Variants in LAMA3 observed in about 807,000 individuals in gnomAD.
LAMA3 encodes laminin subunit alpha-3.
Under a neutral mutation model 402.0 loss-of-function variants are expected in LAMA3, and 281 were observed. That is an observed-to-expected ratio of 0.70 (90% CI 0.63 to 0.77). The LOEUF is 0.77. LAMA3 is among the 30% of genes least tolerant of loss of function. LAMA3 has a pLI of 0.00. For synonymous variants in LAMA3, 1,431 were observed against 1,558.4 expected, an observed-to-expected ratio of 0.92 and a Z score of 1.93; for missense variants, 3,840 against 4,215.5, an observed-to-expected ratio of 0.91 and a Z score of 2.47.
At chr18:23,862,507 T>C (rs533751014) in intron 35 of LAMA3, among the ~76,000 whole-genome samples, 52 of 152,294 alleles carry the variant, frequency 3.4e-4, no homozygotes, top group Non-Finnish European at 6.6e-4. Flanking sequence ...TTAGGAAGAC[T>C]AAAATAATAG....
At chr18:23,802,940 G>C (rs2062892017) in intron 12 of LAMA3, among the ~76,000 whole-genome samples, 1 of 152,124 alleles carries the variant, frequency 6.6e-6, no homozygotes, top group African/African-American at 2.4e-5. Flanking sequence ...TTTTCAAAAG[G>C]CCATTCCACT....
chr18:23,902,574 C>T (rs1366589789), intron 48 of LAMA3, among the ~76,000 whole-genome samples: 1 of 152,156 alleles, frequency 6.6e-6, no homozygotes, highest in Admixed American at 6.5e-5. Flanking sequence ...CTTTATAGGC[C>T]TCTGAACTCT....
chr18:23,935,991 G>C (rs891471097), intron 67 of LAMA3, among the ~76,000 whole-genome samples: 6 of 151,834 alleles, frequency 4.0e-5, no homozygotes, highest in African/African-American at 1.2e-4. Flanking sequence ...TGGGACTCAC[G>C]GGTGCAAGAC....
chr18:23,944,050 A>C, intron 69 of LAMA3, 79 bp downstream of exon 69: 1 of 1,388,930 alleles, frequency 7.2e-7, no homozygotes, highest in Admixed American at 1.9e-5. Flanking sequence ...GAGTCCCAGC[A>C]TCCTTCCCAG....
In LAMA3 at chr18:23,890,117, G is replaced by A. The variant is rs1243296621; in HGVS notation, c.5410G>A (p.Asp1804Asn). 3 of 1,603,412 alleles carry A rather than the reference G, an allele frequency of 1.9e-6. No individual in the cohort carries two copies. Among genetic ancestry groups the A allele is most frequent in the Non-Finnish European group, 2.6e-6 (3 of 1,170,208 alleles). Residue 1804 changes from aspartate to asparagine, a missense_variant and splice_region_variant, in exon 42 of 75, where the codon GAC (aspartate) becomes AAC (asparagine). Physicochemically the swap from Asp to Asn is conservative, Grantham distance 23. This residue lies in a region of LAMA3 where 2,109 missense variants were observed against 2,376.0 expected (regional missense o/e 0.89). Transcript: ENST00000313654. The part of the protein sequence containing the change: ...QLGSCHPLTG[D>N]CINQEPKDSS... ...GGGCAGCTGTCATCCCCTGACTGGA[G>A]GTAAGGCCGACCCACACCCCTGCTA...
intron 40 of LAMA3, among the ~76,000 whole-genome samples, chr18:23,883,484 C>G (rs2064969689): frequency 6.6e-6 from 1 of 152,192 alleles, no homozygotes; most frequent in Admixed American, 6.5e-5. Context: ...TACATAGACT[C>G]AGAAACAAGT....
At chr18:23,777,685 C>A in intron 11 of LAMA3, 66 bp downstream of exon 11, 1 of 1,174,888 alleles carries the variant, frequency 8.5e-7, no homozygotes, top group South Asian at 1.2e-5. Flanking sequence ...TTCCTACTTC[C>A]TGTGTGCACT....
intron 55 of LAMA3, among the ~76,000 whole-genome samples, chr18:23,912,112 C>A: frequency 1.4e-5 from 2 of 140,160 alleles, no homozygotes; most frequent in Non-Finnish European, 1.5e-5. Flanking sequence ...AAATATATAT[C>A]TATATAAAAA....
Position 23,908,011 on chromosome 18 carries a change from C to T in LAMA3, c.7015+76C>T, listed in dbSNP as rs2081307108. On this transcript the variant is annotated intron_variant, in intron 54 of 74. Transcript: ENST00000313654. ...TGTGTTTTGGTCCATTTCCATTCTT[C>T]CCTGGTAAAGTCTGATCTCAGAAAC... The T allele has an allele frequency of 5.6e-6, 8 of 1,434,218 alleles. No homozygotes were observed. The Admixed American group carries it at 1.3e-4, about 24-fold the overall frequency. The allele number at this position is 1,434,218 out of a possible 1,614,324, so 88.8% of individuals were successfully genotyped here.
At chr18:23,731,716 T>G (rs1354713410) in intron 2 of LAMA3, among the ~76,000 whole-genome samples, 2 of 152,088 alleles carry the variant, frequency 1.3e-5, no homozygotes, top group African/African-American at 4.8e-5. Flanking sequence ...ATAAAGCTTT[T>G]AAAAGGCTCA....
intron 2 of LAMA3, among the ~76,000 whole-genome samples, chr18:23,717,047 A>G (rs2061114020): frequency 6.6e-6 from 1 of 152,198 alleles, no homozygotes; most frequent in Non-Finnish European, 1.5e-5. Context: ...AGAAAACACT[A>G]CCTATAATAC....
At chr18:23,773,897 GT>G (rs2062257657) in intron 9 of LAMA3, among the ~76,000 whole-genome samples, 1 of 152,190 alleles carries the variant, frequency 6.6e-6, no homozygotes, top group South Asian at 2.1e-4. Flanking sequence ...ATTTTCTGTT[GT>G]TTTGACATGT....
At chr18:23,761,209 T>C (rs888571436) in intron 7 of LAMA3, among the ~76,000 whole-genome samples, 1 of 152,198 alleles carries the variant, frequency 6.6e-6, no homozygotes, top group African/African-American at 2.4e-5. Flanking sequence ...TACAGAGTTT[T>C]GTTCCAAGTG....
At chr18:23,748,417 T>A in intron 3 of LAMA3, among the ~76,000 whole-genome samples, 1 of 139,630 alleles carries the variant, frequency 7.2e-6, no homozygotes. Flanking sequence ...TGAGACTCTG[T>A]CTCAAAAAAA....
chr18:23,815,221 G>T lies in LAMA3; in HGVS notation c.1922G>T (p.Gly641Val). Residue 641 changes from glycine to valine, a missense_variant, in exon 16 of 75, where the codon GGA becomes GTA. By Grantham distance (109) the Gly-to-Val change is moderately radical (BLOSUM62 -3). Around this residue, in one of 3 missense-constraint regions of LAMA3, gnomAD observed 2,109 missense variants for 2,376.0 expected, o/e 0.89. Coordinates refer to ENST00000313654, the MANE Select transcript of LAMA3 (RefSeq NM_198129.4). ...CKCHKAGTVS[G>V]TGECRQGDGD... ...TGCCATAAGGCGGGAACAGTGAGTGGAACTGGAGAGTGTAGGCAGGTAAAG... is the reference window on the plus strand; with the variant it reads ...TGCCATAAGGCGGGAACAGTGAGTGTAACTGGAGAGTGTAGGCAGGTAAAG... 1 of 1,614,156 alleles carries T rather than the reference G, an allele frequency of 6.2e-7. No individual in the cohort carries two copies. The highest frequency in any genetic ancestry group is 8.5e-7 in the Non-Finnish European group (1 of 1,179,988).
At chr18:23,770,489 C>T (rs111390806) in intron 8 of LAMA3, among the ~76,000 whole-genome samples, 13 of 152,164 alleles carry the variant, frequency 8.5e-5, no homozygotes, top group African/African-American at 2.4e-4. Flanking sequence ...AGGCCGGGTG[C>T]TGTGGCTCAC....
rs754016796 is a variant in LAMA3, at chr18:23,905,475, C to T, written c.6616-47C>T. On this transcript the variant is annotated intron_variant, in intron 51 of 74. Transcript: ENST00000313654. ...AGGATAGAAATCTTATTCCATATTT[C>T]GTAACATATAGCATTTGTTTAAGGC... is the stretch of plus-strand genomic sequence containing the variant. The T allele has an allele frequency of 3.1e-5, 32 of 1,037,330 alleles. No homozygotes were observed. The Admixed American group carries it at 3.6e-4, about 12-fold the overall frequency. 64.3% of individuals were successfully genotyped at this position (1,037,330 alleles called of 1,614,324 possible).
chr18:23,703,144 TG>T (rs1219404217), intron 1 of LAMA3, among the ~76,000 whole-genome samples: 1 of 152,194 alleles, frequency 6.6e-6, no homozygotes, highest in Non-Finnish European at 1.5e-5. Flanking sequence ...AAGAATCCTT[TG>T]GAGTGCTTTT....
At chr18:23,731,079 A>G (rs1276462657) in intron 2 of LAMA3, among the ~76,000 whole-genome samples, 1 of 152,248 alleles carries the variant, frequency 6.6e-6, no homozygotes, top group East Asian at 1.9e-4. Flanking sequence ...CCTAATGGAC[A>G]AAGAACCTGC....
Sources: allele counts gnomAD v4.1 joint callset (sites outside exome capture counted in the v4.1 genomes callset), GRCh38; gene constraint gnomAD v4.1.1; regional missense constraint gnomAD v4.1.1; transcripts MANE v1.5; gene names NCBI Gene and HGNC (gene_info 2026-07-23, HGNC 2026-07-21).